PTCHD4: variants seen among roughly 807,000 people sequenced by gnomAD.
The protein encoded by PTCHD4 is patched domain-containing protein 4.
PTCHD4 carries 33 observed loss-of-function variants against 58.1 expected under a neutral mutation model. The ratio of observed to expected loss-of-function variants is 0.57; its 90% CI spans 0.43 to 0.76. PTCHD4 has a LOEUF of 0.76. Ranked by LOEUF, PTCHD4 falls within the 30% of genes least tolerant of loss-of-function variation. PTCHD4 has a pLI of 0.00. For synonymous variants in PTCHD4, 478 were observed against 409.6 expected, an observed-to-expected ratio of 1.17 and a Z score of -2.02; for missense variants, 1,058 against 1,027.1, an observed-to-expected ratio of 1.03 and a Z score of -0.41.
intron 4 of PTCHD4, among the ~76,000 whole-genome samples, chr6:47,929,835 C>G (rs903924028): frequency 4.2e-4 from 64 of 152,338 alleles, no homozygotes; most frequent in African/African-American, 1.3e-3. Context: ...CTTTCTGGCC[C>G]CTTTCACTTT....
intron 4 of PTCHD4, among the ~76,000 whole-genome samples, chr6:47,989,913 C>T (rs866440336): frequency 6.6e-6 from 1 of 152,116 alleles, no homozygotes; most frequent in Non-Finnish European, 1.5e-5. Flanking sequence ...TAGCTTGCAC[C>T]ATGCACCTGG....
In PTCHD4 at chr6:48,072,530, C is replaced by A. The variant is rs78475192; in HGVS notation, c.-969-2604G>T. On this transcript the variant is annotated intron_variant, in intron 1 of 4. Transcript: ENST00000339488. ...TGTCCTATCCCAGTCCTAGAATCAG[C>A]CACTTCTCCAAGCAGCCTTTGTTTT... Among the ~76,000 whole-genome samples, 464 of 152,236 alleles carry A rather than the reference C, an allele frequency of 3.0e-3. 3 individuals carry two copies. The highest frequency in any genetic ancestry group is 0.011 in the African/African-American group (441 of 41,526).
intron 3 of PTCHD4, among the ~76,000 whole-genome samples, chr6:48,043,824 A>G (rs1189990868): frequency 1.3e-5 from 2 of 151,868 alleles, no homozygotes; most frequent in East Asian, 3.9e-4. Context: ...GCACTGTAAA[A>G]GTTATACAGA....
chr6:47,947,704 C>A (rs1389926973), intron 4 of PTCHD4, among the ~76,000 whole-genome samples: 1 of 151,908 alleles, frequency 6.6e-6, no homozygotes, highest in East Asian at 1.9e-4. Context: ...AAACCGTTTT[C>A]TTTGTCTTTA....
At position 48,069,447 on chromosome 6, in the gene PTCHD4, A is replaced by G. The variant is rs576782604; in HGVS notation, c.-490T>C. On this transcript the variant is annotated 5_prime_UTR_variant, in exon 2 of 5. Transcript: ENST00000339488. ...GCCCTCGAATTCTGCTTTTCAGCGA[A>G]GAAAAGGAGCAGAGAGGATGATGCT... Among the ~76,000 whole-genome samples the G allele has an allele frequency of 4.6e-5, 7 of 152,220 alleles. No individual in the cohort carries two copies. The South Asian group carries it at 1.2e-3, about 27-fold the overall frequency.
intron 4 of PTCHD4, among the ~76,000 whole-genome samples, chr6:47,957,893 C>T (rs1337733175): frequency 1.3e-5 from 2 of 152,062 alleles, no homozygotes; most frequent in African/African-American, 2.4e-5. Flanking sequence ...CGTGAGCCAC[C>T]GCGCCCGGCC....
At chr6:47,949,311 A>G (rs1002739677) in intron 4 of PTCHD4, among the ~76,000 whole-genome samples, 2 of 152,214 alleles carry the variant, frequency 1.3e-5, no homozygotes, top group Non-Finnish European at 2.9e-5. Context: ...GAACACCTGC[A>G]GGCTTATGTG....
chr6:47,902,231 A>G (rs1440030438), intron 4 of PTCHD4, among the ~76,000 whole-genome samples: 4 of 152,208 alleles, frequency 2.6e-5, no homozygotes, highest in African/African-American at 9.6e-5. Flanking sequence ...ATCAAGTTAA[A>G]CAGGTATTTA....
chr6:48,016,896 T>C (rs1456706604), intron 3 of PTCHD4, among the ~76,000 whole-genome samples: 9 of 152,228 alleles, frequency 5.9e-5, no homozygotes, highest in Non-Finnish European at 1.2e-4. Context: ...TCCTATGTAC[T>C]AGGTTGGCAT....
At position 47,979,212 on chromosome 6, in the gene PTCHD4, A is replaced by G. The variant is rs543116564; in HGVS notation, c.898+29422T>C. Among the ~76,000 whole-genome samples, 34 of 152,228 alleles carry G rather than the reference A, an allele frequency of 2.2e-4. No homozygotes were observed. In the South Asian group the frequency reaches 6.6e-3, roughly 30 times the overall value. On this transcript the variant is annotated intron_variant, in intron 4 of 4. Coordinates refer to ENST00000339488, the MANE Select transcript of PTCHD4 (RefSeq NM_001384253.1). ...ATTCACTGAAAAGGTGCAGAAAGGA[A>G]CATCCTGGGATGACGGAGTGTTTTA...
intron 1 of PTCHD4, among the ~76,000 whole-genome samples, chr6:48,106,141 G>T (rs547033914): frequency 6.6e-6 from 1 of 151,764 alleles, no homozygotes; most frequent in East Asian, 1.9e-4. Context: ...GGGCAGAGAC[G>T]CAACAAAAAA....
chr6:48,083,575 T>C (rs1262489367), intron 1 of PTCHD4, among the ~76,000 whole-genome samples: 2 of 152,142 alleles, frequency 1.3e-5, no homozygotes, highest in African/African-American at 4.8e-5. Flanking sequence ...AAATGGAAGA[T>C]TTACCAGAAT....
chr6:47,919,769 C>T lies in PTCHD4; in HGVS notation c.899-39833G>A, dbSNP rs186496811. On this transcript the variant is annotated intron_variant, in intron 4 of 4. Transcript: ENST00000339488. ...ATTTTTCCAAAAGACATTCTGTTGT[C>T]GAAGCAGGATATATGTCTAACAAAA... Among the ~76,000 whole-genome samples, 969 of 151,742 alleles carry T rather than the reference C, an allele frequency of 6.4e-3. 5 individuals are homozygous for T. The highest frequency in any genetic ancestry group is 0.012 in the Non-Finnish European group (798 of 67,928).
intron 3 of PTCHD4, among the ~76,000 whole-genome samples, chr6:48,050,453 T>A (rs1764190878): frequency 6.6e-6 from 1 of 151,990 alleles, no homozygotes; most frequent in Admixed American, 6.6e-5. Context: ...GGCTGGTCAA[T>A]GCTTTAGGAA....
intron 4 of PTCHD4, among the ~76,000 whole-genome samples, chr6:47,984,406 T>C (rs1025241233): frequency 1.3e-5 from 2 of 152,012 alleles, no homozygotes; most frequent in African/African-American, 4.8e-5. Context: ...CCATCAGATC[T>C]CATGAGAACT....
rs757976243 is a variant in PTCHD4 at position 47,952,204 on chromosome 6, C to T, written c.898+56430G>A. Among the ~76,000 whole-genome samples, 12 of 151,922 alleles carry T rather than the reference C, an allele frequency of 7.9e-5. 1 individual carries two copies. The highest frequency in any genetic ancestry group is 1.5e-4 in the Non-Finnish European group (10 of 67,940). The stretch of plus-strand genomic sequence containing the variant: ...TTTCATTGATAAAGCATTGATAGTC[C>T]ATGTCTATTTTAATGTAAGCTTTTA... On this transcript the variant is annotated intron_variant, in intron 4 of 4. Transcript: ENST00000339488.
intron 4 of PTCHD4, among the ~76,000 whole-genome samples, chr6:47,968,829 G>A (rs1448339587): frequency 6.6e-6 from 1 of 152,090 alleles, no homozygotes; most frequent in Non-Finnish European, 1.5e-5. Flanking sequence ...GAGAGAAAGA[G>A]GAAAATGCTA....
At position 47,859,819 on chromosome 6, in the gene PTCHD4, A is replaced by G. The variant is rs1297370826; in HGVS notation, c.*18484T>C. On this transcript the variant is annotated 3_prime_UTR_variant, in exon 5 of 5. Coordinates refer to ENST00000339488, the MANE Select transcript of PTCHD4 (RefSeq NM_001384253.1). ...AGAAGAAACCAAAAAGATGTGAGGG[A>G]GGAAGATCTGTGGCTAACTGGGGGA... Among the ~76,000 whole-genome samples the G allele has an allele frequency of 6.6e-6, 1 of 152,016 alleles. No individual in the cohort carries two copies. The highest frequency in any genetic ancestry group is 1.5e-5 in the Non-Finnish European group (1 of 67,968).
chr6:48,108,295 T>A (rs1478506347), intron 1 of PTCHD4, among the ~76,000 whole-genome samples: 1 of 152,134 alleles, frequency 6.6e-6, no homozygotes, highest in Admixed American at 6.6e-5. Flanking sequence ...GTTCATGTCC[T>A]TTGTAGGGAC....
Sources: gnomAD v4.1 joint callset for allele counts (sites outside exome capture counted in the v4.1 genomes callset) on GRCh38, gnomAD v4.1.1 for gene constraint, MANE v1.5 for transcripts, NCBI Gene and HGNC (gene_info 2026-07-23, HGNC 2026-07-21) for gene names.